The following GSAP variants were observed in gnomAD, a reference collection of about 807,000 sequenced individuals.
GSAP encodes gamma-secretase activating protein.
GSAP carries 118 observed loss-of-function variants against 131.7 expected under a neutral mutation model. The observed-to-expected ratio is 0.90, with a 90% CI of 0.77 to 1.04. The LOEUF (loss-of-function observed/expected upper bound fraction) is 1.04. GSAP is among the 50% of genes least tolerant of loss of function. The pLI is 0.00. For synonymous variants in GSAP, 381 were observed against 363.4 expected (o/e 1.05, Z -0.55); for missense variants, 1,019 against 1,013.2 (o/e 1.01, Z -0.08).
At chr7:77,311,704 G>A in intron 30 of GSAP, 137 bp downstream of exon 30, 1 of 605,312 alleles carries the variant, frequency 1.7e-6, no homozygotes, top group Non-Finnish European at 2.9e-6. Context: ...ATTTGGTACT[G>A]CTAATGTAAA....
Position 77,311,884 on chromosome 7 carries a change from G to A in GSAP, c.2430C>T (p.Asn810=), listed in dbSNP as rs373475501. ...SSFSVEFLPL[N]YFIEILTDIE... ...TATCTGTCAGAATTTCAATGAAGTA[G>A]TTCAGAGGCAGAAATTCTACACTGA... Residue 810 remains asparagine (N), a synonymous_variant, in exon 30 of 31, where the codon AAC becomes AAT. Transcript: ENST00000257626. 8 of 1,601,118 alleles carry A rather than the reference G, an allele frequency of 5.0e-6. No individual in the cohort carries two copies. Among genetic ancestry groups the A allele is most frequent in the Non-Finnish European group, 6.8e-6 (8 of 1,168,378 alleles).
intron 7 of GSAP, 38 bp from the exon 8 acceptor site, chr7:77,381,392 A>T (rs73703339): frequency 0.073 from 82,901 of 1,129,812 alleles, 3,345 homozygotes; most frequent in Middle Eastern, 0.11. Flanking sequence ...TTTAACCTTA[A>T]GGAAATATAT....
At chr7:77,346,943 C>A (rs1791992143) in intron 19 of GSAP, among the ~76,000 whole-genome samples, 2 of 147,862 alleles carry the variant, frequency 1.4e-5, no homozygotes, top group South Asian at 4.4e-4. Context: ...CACCACCACC[C>A]CCCGCCCCAC....
chr7:77,323,728 T>C lies in GSAP; in HGVS notation c.1842A>G (p.Leu614=), dbSNP rs1419704890. The C allele has an allele frequency of 6.3e-7, 1 of 1,577,778 alleles. No homozygotes were observed. The highest frequency in any genetic ancestry group is 8.7e-7 in the Non-Finnish European group (1 of 1,149,138). ...RLLMGLMVSE[L]KDHFLRHLQG... is the part of the protein sequence containing the mutation. ...GTAGGTGTCTCAAAAAATGGTCTTTTAGCTCAGACACCATCTGAAAACAGG... is the reference window on the plus strand; with the variant it reads ...GTAGGTGTCTCAAAAAATGGTCTTTCAGCTCAGACACCATCTGAAAACAGG... The change falls in exon 24 of 31, where the codon CTA becomes CTG. Residue 614 remains leucine, a synonymous_variant. Coordinates refer to ENST00000257626, the MANE Select transcript of GSAP (RefSeq NM_017439.4).
chr7:77,406,016 AAT>A lies in GSAP; in HGVS notation c.186+11_186+12del, dbSNP rs763443016. ...TTTACATCTTACCACAATAAAAAAGAATATAGACATACCTTATAGGTATAAAT... is the reference window on the plus strand; with the variant it reads ...TTTACATCTTACCACAATAAAAAAGAATAGACATACCTTATAGGTATAAAT... On this transcript the variant is annotated intron_variant, in intron 2 of 30. Coordinates refer to ENST00000257626, the MANE Select transcript of GSAP (RefSeq NM_017439.4). The A allele has an allele frequency of 1.1e-4, 102 of 891,858 alleles. No individual in the cohort carries two copies. The highest frequency in any genetic ancestry group is 5.3e-4 in the Middle Eastern group (2 of 3,798). 55.2% of individuals were successfully genotyped at this position (891,858 alleles called of 1,614,324 possible).
At position 77,326,217 on chromosome 7, in the gene GSAP, C is replaced by T; in HGVS notation, c.1822G>A (p.Gly608Arg). The T allele has an allele frequency of 6.2e-7, 1 of 1,611,424 alleles. No homozygotes were observed. Among genetic ancestry groups the T allele is most frequent in the East Asian group, 2.2e-5 (1 of 44,812 alleles). Reference protein sequence around the residue: ...EEDSHQRLLMGLMVSELKDHF... With the variant: ...EEDSHQRLLMRLMVSELKDHF... ...AGAACCCACGTACCACTTACCAGCC[C>T]CATGAGCAGCCGCTGGTGGCTGTCT... Residue 608 changes from glycine (G) to arginine (R), a missense_variant, in exon 23 of 31, where the codon GGG becomes AGG. Physicochemically the swap from Gly to Arg is moderately radical, Grantham distance 125. Transcript: ENST00000257626.
At chr7:77,346,126 C>T (rs187999841) in intron 19 of GSAP, among the ~76,000 whole-genome samples, 4 of 151,340 alleles carry the variant, frequency 2.6e-5, no homozygotes, top group East Asian at 3.9e-4. Context: ...AAAAATTATC[C>T]GGGCATAGTG....
Position 77,376,082 on chromosome 7 carries a change from T to C in GSAP, c.741+766A>G, listed in dbSNP as rs531743561. Reference sequence around the variant, plus strand: ...GGTTAAACTATACCCTCTCATTGACTTGTCTCTTTATTCTCAAATCCACCA... The same window carrying C: ...GGTTAAACTATACCCTCTCATTGACCTGTCTCTTTATTCTCAAATCCACCA... On this transcript the variant is annotated intron_variant, in intron 10 of 30. Coordinates refer to ENST00000257626, the MANE Select transcript of GSAP (RefSeq NM_017439.4). Among the ~76,000 whole-genome samples, 19 of 152,314 alleles carry C rather than the reference T, an allele frequency of 1.2e-4. 1 individual carries two copies. The highest frequency in any genetic ancestry group is 1.6e-4 in the Non-Finnish European group (11 of 67,998).
intron 3 of GSAP, 57 bp from the exon 4 acceptor site, chr7:77,397,472 A>G: frequency 2.1e-6 from 2 of 938,174 alleles, no homozygotes; most frequent in Non-Finnish European, 3.4e-6. Context: ...TAACAATTGT[A>G]TGAACATAAA....
intron 1 of GSAP, among the ~76,000 whole-genome samples, chr7:77,406,320 G>A (rs1465649649): frequency 6.6e-6 from 1 of 152,200 alleles, no homozygotes; most frequent in Non-Finnish European, 1.5e-5. Flanking sequence ...TATCTCAAGT[G>A]AGCCTTGTTA....
Position 77,382,654 on chromosome 7 carries a change from G to C in GSAP, c.457-11C>G. The C allele has an allele frequency of 7.0e-7, 1 of 1,431,424 alleles. No homozygotes were observed. The highest frequency in any genetic ancestry group is 9.9e-7 in the Non-Finnish European group (1 of 1,013,772). The allele number at this position is 1,431,424 out of a possible 1,614,324, so 88.7% of individuals were successfully genotyped here. A position where few individuals can be genotyped will look rare whatever the true frequency, so the allele number is the denominator to read the frequency against. Reference sequence around the variant, plus strand: ...ATGTGGGTAGAGAAACTGTAAAAAAGAAATTAATCATAATTGTAAGCAACT... The same window carrying C: ...ATGTGGGTAGAGAAACTGTAAAAAACAAATTAATCATAATTGTAAGCAACT... On this transcript the variant is annotated splice_polypyrimidine_tract_variant and intron_variant, in intron 6 of 30. Coordinates refer to ENST00000257626, the MANE Select transcript of GSAP (RefSeq NM_017439.4).
At chr7:77,313,664 CT>C (rs371313616) in intron 27 of GSAP, 115 bp from the exon 28 acceptor site, 29 of 535,546 alleles carry the variant, frequency 5.4e-5, no homozygotes, top group African/African-American at 5.2e-4. Flanking sequence ...ACTGTGTATT[CT>C]CAAGCTAATC....
intron 9 of GSAP, among the ~76,000 whole-genome samples, 166 bp downstream of exon 9, chr7:77,377,120 G>A (rs985117181): frequency 6.6e-6 from 1 of 151,568 alleles, no homozygotes; most frequent in African/African-American, 2.4e-5. Context: ...AGGAGCCTGA[G>A]GCAGGTGCAT....
In GSAP at chr7:77,313,448, C is replaced by G. The variant is rs763930625; in HGVS notation, c.2271+40G>C. 8.2e-6 allele frequency: 9 copies of G among 1,094,342 alleles called. 1 individual carries two copies. The highest frequency in any genetic ancestry group is 2.7e-5 in the South Asian group (2 of 75,250). 67.8% of individuals were successfully genotyped at this position (1,094,342 alleles called of 1,614,324 possible). A position where few individuals can be genotyped will look rare whatever the true frequency, so the allele number is the denominator to read the frequency against. On this transcript the variant is annotated intron_variant, in intron 28 of 30. Transcript: ENST00000257626. ...AAGAAGAAATTGAAGGAGGGTAATGCCAAAGCTTAGGGAGAAAATAAAATG... is the reference window on the plus strand; with the variant it reads ...AAGAAGAAATTGAAGGAGGGTAATGGCAAAGCTTAGGGAGAAAATAAAATG...
chr7:77,407,829 G>C (rs1276244551), intron 1 of GSAP, among the ~76,000 whole-genome samples: 1 of 152,034 alleles, frequency 6.6e-6, no homozygotes, highest in Admixed American at 6.6e-5. Flanking sequence ...ATAGTACTGT[G>C]GTACATTATT....
chr7:77,408,689 C>CAAAAAAAAA (rs749202124), intron 1 of GSAP, among the ~76,000 whole-genome samples: 37 of 67,018 alleles, frequency 5.5e-4, no homozygotes, highest in African/African-American at 2.0e-3. Flanking sequence ...ACTCTGCCTC[C>CAAAAAAAAA]AAAAAAAAAA....
intron 19 of GSAP, among the ~76,000 whole-genome samples, chr7:77,343,875 C>G (rs549801380): frequency 6.6e-6 from 1 of 152,154 alleles, no homozygotes; most frequent in Non-Finnish European, 1.5e-5. Context: ...TCCTTTCCAC[C>G]GTGGAAATCT....
intron 1 of GSAP, 21 bp downstream of exon 1, chr7:77,416,192 T>G (rs769228242): frequency 2.9e-4 from 152 of 521,618 alleles, no homozygotes; most frequent in Non-Finnish European, 3.8e-4. Context: ...CCCACCCCTC[T>G]CCGCAGCGCG....
intron 3 of GSAP, among the ~76,000 whole-genome samples, chr7:77,403,359 G>T (rs1252058615): frequency 6.6e-6 from 1 of 152,198 alleles, no homozygotes; most frequent in East Asian, 1.9e-4. Flanking sequence ...AAGAAGGGAA[G>T]AGAGAATTAA....
Sources: gnomAD v4.1 joint callset for allele counts (sites outside exome capture counted in the v4.1 genomes callset) on GRCh38, gnomAD v4.1.1 for gene constraint, MANE v1.5 for transcripts, NCBI Gene and HGNC (gene_info 2026-07-23, HGNC 2026-07-21) for gene names.